TECTA: variants seen among roughly 807,000 people sequenced by gnomAD.
TECTA encodes the protein tectorin alpha.
TECTA carries 128 observed loss-of-function variants against 216.8 expected under a neutral mutation model. The ratio of observed to expected loss-of-function variants is 0.59; its 90% CI spans 0.51 to 0.68. The LOEUF (loss-of-function observed/expected upper bound fraction) is 0.68, where lower values mean the gene tolerates loss of function less well. TECTA is among the 30% of genes least tolerant of loss of function. The probability of loss-of-function intolerance (pLI) is 0.00; values close to 1 mark genes in which losing one functional copy is unlikely to be tolerated. For synonymous variants in TECTA, 1,089 were observed against 1,117.1 expected, an observed-to-expected ratio of 0.97 and a Z score of 0.50; for missense variants, 2,551 against 2,786.2, an observed-to-expected ratio of 0.92 and a Z score of 1.90.
chr11:121,179,994 G>C (rs1252500275), intron 20 of TECTA, among the ~76,000 whole-genome samples: 4 of 140,506 alleles, frequency 2.8e-5, no homozygotes, highest in Non-Finnish European at 6.2e-5. Flanking sequence ...TTTTTTAGCT[G>C]TTCAACCAGT....
At chr11:121,104,263 T>A (rs1177020475) in intron 2 of TECTA, among the ~76,000 whole-genome samples, 1 of 152,128 alleles carries the variant, frequency 6.6e-6, no homozygotes, top group East Asian at 1.9e-4. Flanking sequence ...TTTTAATTAG[T>A]ACTTCCAGGA....
intron 20 of TECTA, among the ~76,000 whole-genome samples, chr11:121,184,482 G>T (rs12787375): frequency 0.012 from 1,835 of 152,320 alleles, 16 homozygotes; most frequent in Middle Eastern, 0.027. Context: ...GCCTGGCCTG[G>T]TCAGCACCCA....
chr11:121,190,733 T>C lies in TECTA; in HGVS notation c.6395T>C (p.Val2132Ala), dbSNP rs1411170845. ...RASNSSMELQ[V>A]WTLLLIMIQI... ...TCTAATTCTTCAATGGAACTTCAAG[T>C]CTGGACGCTTCTTCTCATCATGATC... is the stretch of plus-strand genomic sequence containing the variant. The change falls in exon 24 of 24, where the codon GTC becomes GCC. Residue 2132 changes from valine to alanine, a missense_variant. By Grantham distance (64) the Val-to-Ala change is moderately conservative. Around this residue, in one of 3 missense-constraint regions of TECTA, gnomAD observed 118 missense variants for 116.4 expected, o/e 1.01. Coordinates refer to ENST00000392793, the MANE Select transcript of TECTA (RefSeq NM_005422.4). The C allele has an allele frequency of 6.2e-7, 1 of 1,613,954 alleles. No individual in the cohort carries two copies. Among genetic ancestry groups the C allele is most frequent in the Admixed American group, 1.7e-5 (1 of 60,014 alleles).
chr11:121,118,282 G>A, intron 6 of TECTA, 24 bp from the exon 7 acceptor site: 1 of 1,613,724 alleles, frequency 6.2e-7, no homozygotes, highest in Non-Finnish European at 8.5e-7. Flanking sequence ...AGTAAATGTT[G>A]GCTCTAATGT....
At chr11:121,108,938 A>C (rs1946417726) in intron 3 of TECTA, among the ~76,000 whole-genome samples, 1 of 152,304 alleles carries the variant, frequency 6.6e-6, no homozygotes, top group Non-Finnish European at 1.5e-5. Flanking sequence ...TGATAAGTGT[A>C]ATAGAGACAG....
chr11:121,182,459 G>A (rs1947239461), intron 20 of TECTA, among the ~76,000 whole-genome samples: 1 of 152,212 alleles, frequency 6.6e-6, no homozygotes, highest in African/African-American at 2.4e-5. Context: ...GTAGTCGTTG[G>A]CAGTGGTGGA....
At position 121,133,243 on chromosome 11, in the gene TECTA, C is replaced by T. The variant is rs552288607; in HGVS notation, c.2941+3032C>T. On this transcript the variant is annotated intron_variant, in intron 10 of 23. Coordinates refer to ENST00000392793, the MANE Select transcript of TECTA (RefSeq NM_005422.4). ...TCCCTTTCCCTGTCTCTTCCTTCCT[C>T]CCTCCCTGCCCTTCATGTGAGAGTG... Among the ~76,000 whole-genome samples, 34 of 152,316 alleles carry T rather than the reference C, an allele frequency of 2.2e-4. No homozygotes were observed. The East Asian group carries it at 6.6e-3, about 29-fold the overall frequency.
chr11:121,122,489 T>TA (rs1298118255), intron 7 of TECTA, among the ~76,000 whole-genome samples: 3 of 152,022 alleles, frequency 2.0e-5, no homozygotes, highest in African/African-American at 7.2e-5. Context: ...CCAAACAGAC[T>TA]AAAACAGAAG....
intron 10 of TECTA, among the ~76,000 whole-genome samples, chr11:121,135,800 T>C (rs1172083032): frequency 6.6e-6 from 1 of 152,242 alleles, no homozygotes; most frequent in Non-Finnish European, 1.5e-5. Flanking sequence ...GGTGGGGACT[T>C]CGCTGATCTT....
chr11:121,148,988 G>A (rs1332258935), intron 12 of TECTA, among the ~76,000 whole-genome samples: 1 of 152,188 alleles, frequency 6.6e-6, no homozygotes, highest in East Asian at 1.9e-4. Context: ...AGAGGAGAAA[G>A]AGAAGGAAAT....
intron 10 of TECTA, among the ~76,000 whole-genome samples, chr11:121,136,571 A>T (rs1420671379): frequency 1.3e-5 from 2 of 152,218 alleles, no homozygotes; most frequent in Non-Finnish European, 2.9e-5. Context: ...AAGGCATACC[A>T]TTGATGGAGA....
At chr11:121,157,739 G>T (rs1946955602) in intron 13 of TECTA, 102 bp from the exon 14 acceptor site, 2 of 1,563,086 alleles carry the variant, frequency 1.3e-6, no homozygotes, top group Admixed American at 1.7e-5. Flanking sequence ...CCCCATTAAA[G>T]ATAGGCTAGC....
intron 20 of TECTA, among the ~76,000 whole-genome samples, chr11:121,181,752 G>A (rs1253958480): frequency 1.3e-5 from 2 of 152,228 alleles, no homozygotes; most frequent in Non-Finnish European, 2.9e-5. Context: ...ACAGGCGTGA[G>A]CCACCATGCC....
chr11:121,104,228 C>T (rs549282790), intron 2 of TECTA, among the ~76,000 whole-genome samples: 41 of 152,018 alleles, frequency 2.7e-4, no homozygotes, highest in African/African-American at 9.9e-4. Context: ...GTGTATAATA[C>T]TGTAGTAGAG....
rs1217218886 is a variant in TECTA at position 121,145,764 on chromosome 11, C to T, written c.3753C>T (p.Asp1251=). The T allele has an allele frequency of 1.9e-6, 3 of 1,614,196 alleles. No homozygotes were observed. Among genetic ancestry groups the T allele is most frequent in the South Asian group, 1.1e-5 (1 of 91,090 alleles). The change falls in exon 12 of 24, where the codon GAC becomes GAT. Residue 1251 remains aspartate (D), a synonymous_variant. Coordinates refer to ENST00000392793, the MANE Select transcript of TECTA (RefSeq NM_005422.4). ...CGRYNGNPDD[D]LEMPMGLLAS... ...GCTACAACGGCAACCCTGATGATGA[C>T]CTGGAGATGCCCATGGGTCTGCTTG...
In TECTA at chr11:121,113,352, T is replaced by C; in HGVS notation, c.624+143T>C. On this transcript the variant is annotated intron_variant, in intron 5 of 23. Coordinates refer to ENST00000392793, the MANE Select transcript of TECTA (RefSeq NM_005422.4). The surrounding 1 kb of genome is among the most constrained non-coding windows in gnomAD (Gnocchi z 4.2). ...TCTCGCAGGTGGACTACGAGGCTAG[T>C]CCTGCCCATGTTTGGCACCCTGACT... 6.6e-7 allele frequency: 1 copy of C among 1,511,576 alleles called. No homozygotes were observed. Among genetic ancestry groups the C allele is most frequent in the Non-Finnish European group, 9.1e-7 (1 of 1,101,902 alleles). The allele number at this position is 1,511,576 out of a possible 1,614,324, so 93.6% of individuals were successfully genotyped here.
rs535407701 is a variant in TECTA at position 121,134,638 on chromosome 11, T to A, written c.2942-2783T>A. On this transcript the variant is annotated intron_variant, in intron 10 of 23. Coordinates refer to ENST00000392793, the MANE Select transcript of TECTA (RefSeq NM_005422.4). Reference sequence around the variant, plus strand: ...CCTATCTCCAGCTTATCCAACACGATCTCTGTTTCTGCTCCCACATTGAGC... The same window carrying A: ...CCTATCTCCAGCTTATCCAACACGAACTCTGTTTCTGCTCCCACATTGAGC... Among the ~76,000 whole-genome samples the A allele has an allele frequency of 1.2e-3, 178 of 152,208 alleles. 1 individual carries two copies. The Middle Eastern group carries it at 0.014, about 12-fold the overall frequency.
At chr11:121,179,958 T>TTTTG (rs1264701156) in intron 20 of TECTA, among the ~76,000 whole-genome samples, 2 of 150,178 alleles carry the variant, frequency 1.3e-5, no homozygotes, top group Non-Finnish European at 3.0e-5. Flanking sequence ...TTTGAGTTTT[T>TTTTG]TTTGTTTGTT....
chr11:121,128,385 C>T (rs1946638295), intron 9 of TECTA, 41 bp downstream of exon 9: 3 of 1,580,692 alleles, frequency 1.9e-6, no homozygotes, highest in African/African-American at 1.3e-5. Flanking sequence ...CTGGTACGTC[C>T]AGCCAGGAGG....
Sources: gnomAD v4.1 joint callset for allele counts (sites outside exome capture counted in the v4.1 genomes callset) on GRCh38, gnomAD v4.1.1 for gene constraint, gnomAD v4.1.1 regional missense constraint, Gnocchi (gnomAD v3.1) non-coding constraint, MANE v1.5 for transcripts, NCBI Gene and HGNC (gene_info 2026-07-23, HGNC 2026-07-21) for gene names.